USP43: variants seen among roughly 807,000 people sequenced by gnomAD.
USP43 encodes the protein ubiquitin carboxyl-terminal hydrolase 43.
In USP43, 33 loss-of-function variants were observed where a neutral mutation model predicts 90.7. That is an observed-to-expected ratio of 0.36 (90% CI 0.28 to 0.49). USP43 has a LOEUF of 0.49. Among genes scored for constraint, USP43 ranks in the 20% least tolerant of loss-of-function variants. USP43 has a pLI of 0.98. For missense variants in USP43, 1,274 were observed against 1,476.4 expected, an observed-to-expected ratio of 0.86 and a Z score of 2.25; for synonymous variants, 598 against 615.8, an observed-to-expected ratio of 0.97 and a Z score of 0.43.
intron 14 of USP43, among the ~76,000 whole-genome samples, chr17:9,724,007 C>G (rs947252213): frequency 6.6e-6 from 1 of 152,116 alleles, no homozygotes; most frequent in Non-Finnish European, 1.5e-5. Context: ...TTTAAGCTGT[C>G]ACGTTTCATC....
At chr17:9,648,909 C>G (rs1278804625) in intron 1 of USP43, among the ~76,000 whole-genome samples, 1 of 149,836 alleles carries the variant, frequency 6.7e-6, no homozygotes, top group Non-Finnish European at 1.5e-5. Flanking sequence ...TTCTTTCTCT[C>G]TCTCTCTCCC....
At chr17:9,707,002 C>A (rs910562519) in intron 12 of USP43, among the ~76,000 whole-genome samples, 50 of 152,220 alleles carry the variant, frequency 3.3e-4, no homozygotes, top group African/African-American at 1.2e-3. Context: ...TAGGCCCCAA[C>A]AATTGGTAAC....
intron 1 of USP43, among the ~76,000 whole-genome samples, chr17:9,654,029 A>G (rs558452992): frequency 4.6e-5 from 7 of 152,306 alleles, no homozygotes; most frequent in Non-Finnish European, 1.0e-4. Context: ...ACCTACATTA[A>G]AAGGATGAGC....
At chr17:9,697,994 A>G (rs1915376191) in intron 9 of USP43, among the ~76,000 whole-genome samples, 1 of 152,112 alleles carries the variant, frequency 6.6e-6, no homozygotes, top group Non-Finnish European at 1.5e-5. Flanking sequence ...ATCCTTGCCA[A>G]TATCTGTTAT....
At chr17:9,675,058 C>A in intron 4 of USP43, 75 bp downstream of exon 4, 1 of 1,281,914 alleles carries the variant, frequency 7.8e-7, no homozygotes, top group Non-Finnish European at 1.1e-6. Flanking sequence ...TCTGGCCTCA[C>A]ACCTGCCATT....
At chr17:9,679,459 C>T (rs1315082794) in intron 5 of USP43, among the ~76,000 whole-genome samples, 1 of 151,120 alleles carries the variant, frequency 6.6e-6, no homozygotes, top group Non-Finnish European at 1.5e-5. Flanking sequence ...CCCTCCTCAG[C>T]CTCCCAAAGT....
At position 9,728,865 on chromosome 17, in the gene USP43, A is replaced by G; in HGVS notation, c.3247A>G (p.Ser1083Gly). Residue 1083 changes from serine to glycine, a missense_variant, in exon 15 of 15, where the codon AGT becomes GGT. Around this residue, in one of 6 missense-constraint regions of USP43, gnomAD observed 353 missense variants for 329.7 expected, o/e 1.07. Coordinates refer to ENST00000285199, the MANE Select transcript of USP43 (RefSeq NM_153210.5). The surrounding 1 kb of genome is among the most constrained non-coding windows in gnomAD (Gnocchi z 6.2). ...TAAAGCCAGCAGGGCCCCGAGAGGC[A>G]GTGCACTGGGCATGTCACAAAGGAC... ...PRKASRAPRG[S>G]ALGMSQRTVP... is the part of the protein sequence containing the mutation. The G allele has an allele frequency of 6.2e-7, 1 of 1,614,006 alleles. No individual in the cohort carries two copies.
chr17:9,708,225 C>G (rs1490364098), intron 12 of USP43, among the ~76,000 whole-genome samples: 1 of 152,196 alleles, frequency 6.6e-6, no homozygotes, highest in East Asian at 1.9e-4. Context: ...GCAGGACACT[C>G]TAGGCCACGG....
At chr17:9,727,903 AT>A in intron 14 of USP43, 50 bp from the exon 15 acceptor site, 1 of 1,544,872 alleles carries the variant, frequency 6.5e-7, no homozygotes. Context: ...GATGACTGGC[AT>A]TTCAGCTGTA....
At chr17:9,657,410 G>A (rs1159883047) in intron 2 of USP43, among the ~76,000 whole-genome samples, 1 of 151,996 alleles carries the variant, frequency 6.6e-6, no homozygotes, top group Non-Finnish European at 1.5e-5. Flanking sequence ...GGGAGGCTGA[G>A]GCAGGAGAAT....
In USP43 at chr17:9,709,003, C is replaced by T. The variant is rs750097208; in HGVS notation, c.2012-953C>T. The stretch of plus-strand genomic sequence containing the variant: ...CAATTTTAAAAGTGGGAGAAAGACA[C>T]GCAGAATATGCGACAGAGAATATAT... On this transcript the variant is annotated intron_variant, in intron 12 of 14. Coordinates refer to ENST00000285199, the MANE Select transcript of USP43 (RefSeq NM_153210.5). This position sits in a 1 kb window ranked among gnomAD's most constrained non-coding sequence, Gnocchi z 5.0. Among the ~76,000 whole-genome samples, 4 of 152,028 alleles carry T rather than the reference C, an allele frequency of 2.6e-5. No individual in the cohort carries two copies. Among genetic ancestry groups the T allele is most frequent in the African/African-American group, 4.8e-5 (2 of 41,386 alleles).
chr17:9,662,409 A>G (rs1428622762), intron 2 of USP43, among the ~76,000 whole-genome samples: 2 of 151,962 alleles, frequency 1.3e-5, no homozygotes, highest in Non-Finnish European at 2.9e-5. Flanking sequence ...CCCATCCCAA[A>G]CCCACGTCTC....
chr17:9,645,578 G>C lies in USP43; in HGVS notation c.-55G>C, dbSNP rs928514205. The C allele has an allele frequency of 5.4e-5, 63 of 1,170,984 alleles. No individual in the cohort carries two copies. Among genetic ancestry groups the C allele is most frequent in the Middle Eastern group, 3.4e-4 (1 of 2,912 alleles). 72.5% of individuals were successfully genotyped at this position (1,170,984 alleles called of 1,614,324 possible). The stretch of plus-strand genomic sequence containing the variant: ...AGAGAAGCTGTAGGGCCTGCTGGCC[G>C]CTCGTCCGCCTCGCGCCCGGGGGCT... On this transcript the variant is annotated 5_prime_UTR_variant, in exon 1 of 15. Transcript: ENST00000285199. The surrounding 1 kb of genome is among the most constrained non-coding windows in gnomAD (Gnocchi z 6.8).
Position 9,719,140 on chromosome 17 carries a change from C to T in USP43, c.2335+7008C>T, listed in dbSNP as rs118111290. Among the ~76,000 whole-genome samples, 166 of 152,154 alleles carry T rather than the reference C, an allele frequency of 1.1e-3. 3 individuals are homozygous for T. In the East Asian group the frequency reaches 0.027, roughly 24 times the overall value. On this transcript the variant is annotated intron_variant, in intron 14 of 14. Coordinates refer to ENST00000285199, the MANE Select transcript of USP43 (RefSeq NM_153210.5). ...TGAAACTCCGTGTCCAAAAAAAAGT[C>T]TCTACAACAAAAAAGATGTTCTTTC...
chr17:9,662,714 A>G (rs1232193393), intron 2 of USP43, among the ~76,000 whole-genome samples: 1 of 152,130 alleles, frequency 6.6e-6, no homozygotes, highest in East Asian at 1.9e-4. Context: ...TGTTGCTACC[A>G]TCTGAGTTCA....
At chr17:9,662,303 G>A (rs1912697557) in intron 2 of USP43, among the ~76,000 whole-genome samples, 1 of 152,116 alleles carries the variant, frequency 6.6e-6, no homozygotes, top group South Asian at 2.1e-4. Flanking sequence ...ATAGGCTAGG[G>A]TCCGCTATGC....
At chr17:9,667,047 G>T (rs930125613) in intron 3 of USP43, among the ~76,000 whole-genome samples, 1 of 152,184 alleles carries the variant, frequency 6.6e-6, no homozygotes, top group African/African-American at 2.4e-5. Context: ...CTAGCAAGCA[G>T]TCACTCTGAA....
At chr17:9,689,936 C>A (rs561745387) in intron 8 of USP43, among the ~76,000 whole-genome samples, 8 of 152,270 alleles carry the variant, frequency 5.3e-5, no homozygotes, top group Non-Finnish European at 1.2e-4. Context: ...CGTGGCCAAC[C>A]CTCAATCAAA....
chr17:9,693,135 G>T lies in USP43; in HGVS notation c.1362G>T (p.Gly454=), dbSNP rs1245680662. ...TGTTTTTGTCTTCGCAGAACCTGGGGTCTCTGTTCTCCATCCGTGTTGTGG... is the reference window on the plus strand; with the variant it reads ...TGTTTTTGTCTTCGCAGAACCTGGGTTCTCTGTTCTCCATCCGTGTTGTGG... ...MKSEAPVQNL[G]SLFSIRVVGL... Residue 454 remains glycine, a synonymous_variant, in exon 9 of 15, where the codon GGG becomes GGT. Coordinates refer to ENST00000285199, the MANE Select transcript of USP43 (RefSeq NM_153210.5). 2 of 1,613,514 alleles carry T rather than the reference G, an allele frequency of 1.2e-6. No homozygotes were observed. Among genetic ancestry groups the T allele is most frequent in the African/African-American group, 1.3e-5 (1 of 74,992 alleles).
Sources: gnomAD v4.1 joint callset for allele counts (sites outside exome capture counted in the v4.1 genomes callset) on GRCh38, gnomAD v4.1.1 for gene constraint, gnomAD v4.1.1 regional missense constraint, Gnocchi (gnomAD v3.1) non-coding constraint, MANE v1.5 for transcripts, NCBI Gene and HGNC (gene_info 2026-07-23, HGNC 2026-07-21) for gene names.